Variants in STRADB observed in about 807,000 individuals in gnomAD.
STRADB encodes the protein STE20 related adaptor beta.
Under a neutral mutation model 52.1 loss-of-function variants are expected in STRADB, and 34 were observed. That is an observed-to-expected ratio of 0.65 (90% CI 0.50 to 0.87). The LOEUF is 0.87. Among genes scored for constraint, STRADB ranks in the 40% least tolerant of loss-of-function variants. The pLI, the probability that STRADB is intolerant of heterozygous loss-of-function variation, is 0.00. For synonymous variants in STRADB, 133 were observed against 174.5 expected, an observed-to-expected ratio of 0.76 and a Z score of 1.87; for missense variants, 340 against 483.9, an observed-to-expected ratio of 0.70 and a Z score of 2.79.
At position 201,477,634 on chromosome 2, in the gene STRADB, C is replaced by T; in HGVS notation, c.564C>T (p.Ser188=). ...NGCIHRSIKA[S]HILISGDGLV... ...TTTGTTCTAGGAGTATTAAAGCCAG[C>T]CATATCCTCATTTCTGGTGATGGCC... The change falls in exon 8 of 12, where the codon AGC becomes AGT. Residue 188 remains serine (S), a synonymous_variant. Coordinates refer to ENST00000194530, the MANE Select transcript of STRADB (RefSeq NM_018571.6). The T allele has an allele frequency of 6.2e-7, 1 of 1,607,072 alleles. No individual in the cohort carries two copies. The highest frequency in any genetic ancestry group is 8.5e-7 in the Non-Finnish European group (1 of 1,174,880).
chr2:201,477,513 G>A, intron 7 of STRADB, 106 bp from the exon 8 acceptor site: 3 of 1,146,258 alleles, frequency 2.6e-6, no homozygotes, highest in East Asian at 2.4e-5. Flanking sequence ...GTTTTGTAAA[G>A]GGTATTTAAT....
At chr2:201,473,906 T>C (rs1952430160) in intron 5 of STRADB, among the ~76,000 whole-genome samples, 1 of 150,836 alleles carries the variant, frequency 6.6e-6, no homozygotes, top group Admixed American at 6.6e-5. Flanking sequence ...TTTTTTTTTT[T>C]TCGAGACGGA....
intron 2 of STRADB, among the ~76,000 whole-genome samples, chr2:201,456,050 G>A (rs1286406671): frequency 6.6e-6 from 1 of 152,204 alleles, no homozygotes; most frequent in Non-Finnish European, 1.5e-5. Flanking sequence ...GTTTTATTCT[G>A]TAAAGGAGGG....
At chr2:201,465,542 G>C (rs984033874) in intron 3 of STRADB, among the ~76,000 whole-genome samples, 2 of 152,202 alleles carry the variant, frequency 1.3e-5, no homozygotes, top group African/African-American at 4.8e-5. Context: ...ATCTCCTGGA[G>C]CTACAAGCTG....
At chr2:201,466,942 A>G (rs1432042678) in intron 3 of STRADB, among the ~76,000 whole-genome samples, 1 of 152,172 alleles carries the variant, frequency 6.6e-6, no homozygotes, top group African/African-American at 2.4e-5. Context: ...ACCACAAGTA[A>G]AAGTCTGGCA....
chr2:201,459,005 T>C (rs941596170), intron 3 of STRADB, 141 bp downstream of exon 3: 1 of 636,098 alleles, frequency 1.6e-6, no homozygotes, highest in African/African-American at 1.9e-5. Flanking sequence ...TTAAAAAAAA[T>C]GGTTGAGTAC....
Position 201,479,543 on chromosome 2 carries a change from T to C in STRADB, c.1113+12T>C. The stretch of plus-strand genomic sequence containing the variant: ...TTTTCTTCAAACAGGTGAGCTGATC[T>C]ATCATCCGTTGTCTCGATGTTTTTA... On this transcript the variant is annotated intron_variant, in intron 11 of 11. Coordinates refer to ENST00000194530, the MANE Select transcript of STRADB (RefSeq NM_018571.6). 6.3e-7 allele frequency: 1 copy of C among 1,596,962 alleles called. No individual in the cohort carries two copies. The highest frequency in any genetic ancestry group is 1.8e-5 in the Admixed American group (1 of 55,136).
chr2:201,467,971 G>GTT (rs58449183), intron 3 of STRADB, among the ~76,000 whole-genome samples: 5 of 111,336 alleles, frequency 4.5e-5, no homozygotes, highest in African/African-American at 1.3e-4. Flanking sequence ...TTGGTTTTTT[G>GTT]TTTTTTTTTT....
chr2:201,468,089 T>TA (rs71022369), intron 3 of STRADB, among the ~76,000 whole-genome samples: 1 of 93,752 alleles, frequency 1.1e-5, no homozygotes, highest in South Asian at 3.3e-4. Context: ...TTTTTTCTTT[T>TA]TTTTTTTTTT....
At position 201,478,567 on chromosome 2, in the gene STRADB, G is replaced by A; in HGVS notation, c.1036G>A (p.Val346Ile). The change falls in exon 10 of 12, where the codon GTA (valine) becomes ATA (isoleucine). Residue 346 changes from valine (V) to isoleucine (I), a missense_variant. Coordinates refer to ENST00000194530, the MANE Select transcript of STRADB (RefSeq NM_018571.6). The stretch of plus-strand genomic sequence containing the variant: ...TTTCTCTCCTGCCTTCTTTAGCTTG[G>A]TACAGCTCTGTTTGCAACAAGATCC... ...KTFSPAFFSL[V>I]QLCLQQDPEK... 6.2e-7 allele frequency: 1 copy of A among 1,613,744 alleles called. No homozygotes were observed.
intron 1 of STRADB, among the ~76,000 whole-genome samples, chr2:201,452,287 G>A (rs1449974848): frequency 6.6e-6 from 1 of 152,194 alleles, no homozygotes; most frequent in African/African-American, 2.4e-5. Context: ...GCGCTCTCGG[G>A]CTTGGGGAGT....
intron 4 of STRADB, among the ~76,000 whole-genome samples, chr2:201,471,056 G>A (rs144266878): frequency 1.9e-4 from 29 of 152,208 alleles, no homozygotes; most frequent in African/African-American, 6.3e-4. Context: ...CCTTCACTCC[G>A]TACTCCAGTT....
At chr2:201,460,122 C>G (rs1952190932) in intron 3 of STRADB, among the ~76,000 whole-genome samples, 1 of 151,962 alleles carries the variant, frequency 6.6e-6, no homozygotes, top group African/African-American at 2.4e-5. Flanking sequence ...ATAATTTAAC[C>G]CCCAGTCCTA....
intron 3 of STRADB, among the ~76,000 whole-genome samples, chr2:201,464,498 A>G (rs1388966933): frequency 6.6e-6 from 1 of 151,964 alleles, no homozygotes; most frequent in African/African-American, 2.4e-5. Flanking sequence ...TGACACAATT[A>G]CCCCTGTTGC....
At chr2:201,475,565 T>C in intron 6 of STRADB, 54 bp from the exon 7 acceptor site, 1 of 1,609,852 alleles carries the variant, frequency 6.2e-7, no homozygotes, top group South Asian at 1.1e-5. Context: ...AAAATACAGC[T>C]GGAAGCAAAA....
chr2:201,478,328 G>A (rs939941512), intron 9 of STRADB, 29 bp from the exon 10 acceptor site: 3 of 1,609,884 alleles, frequency 1.9e-6, no homozygotes. Context: ...TGCCTGAAAA[G>A]TGTTGAAGGA....
Position 201,480,452 on chromosome 2 carries a change from CTCAA to C in STRADB, c.*279_*282del. ...AAGCTGTGACTAACTCTTTTTATCT[CTCAA>C]TATAATTTTTGAGCCAGTTAATTTT... is the stretch of plus-strand genomic sequence containing the variant. On this transcript the variant is annotated 3_prime_UTR_variant, in exon 12 of 12. Transcript: ENST00000194530. The C allele has an allele frequency of 8.7e-7, 1 of 1,156,014 alleles. No individual in the cohort carries two copies. The highest frequency in any genetic ancestry group is 4.3e-5 in the Admixed American group (1 of 23,368). 71.6% of individuals were successfully genotyped at this position (1,156,014 alleles called of 1,614,324 possible).
chr2:201,479,458 T>G (rs752831857), intron 10 of STRADB, 31 bp from the exon 11 acceptor site: 48 of 1,305,992 alleles, frequency 3.7e-5, no homozygotes, highest in Middle Eastern at 2.4e-4. Context: ...ATATAAAGGT[T>G]TTTTTTTTAT....
In STRADB at chr2:201,458,910, C is replaced by T. The variant is rs1952169990; in HGVS notation, c.93+46C>T. 1.9e-6 allele frequency: 3 copies of T among 1,548,310 alleles called. No homozygotes were observed. The East Asian group carries it at 6.8e-5, about 35-fold the overall frequency. ...GATGCAGTGGTTCACACCTGTAATCCCAACACTCTGGGAGGCCAAGGCAGG... is the reference window on the plus strand; with the variant it reads ...GATGCAGTGGTTCACACCTGTAATCTCAACACTCTGGGAGGCCAAGGCAGG... On this transcript the variant is annotated intron_variant, in intron 3 of 11. Transcript: ENST00000194530.
Sources: allele counts gnomAD v4.1 joint callset (sites outside exome capture counted in the v4.1 genomes callset), GRCh38; gene constraint gnomAD v4.1.1; transcripts MANE v1.5; gene names NCBI Gene and HGNC (gene_info 2026-07-23, HGNC 2026-07-21).